Variants in ZNF445 observed in about 807,000 individuals in gnomAD.
ZNF445 encodes zinc finger protein 168.
A neutral mutation model predicts 93.9 loss-of-function variants in ZNF445; 19 were observed. That is an observed-to-expected ratio of 0.20 (90% CI 0.14 to 0.30). The LOEUF (loss-of-function observed/expected upper bound fraction) is 0.30. ZNF445 is among the 10% of genes least tolerant of loss of function. ZNF445 has a pLI of 1.00. For synonymous variants in ZNF445, 449 were observed against 446.3 expected, an observed-to-expected ratio of 1.01 and a Z score of -0.08; for missense variants, 1,058 against 1,259.4, an observed-to-expected ratio of 0.84 and a Z score of 2.42.
rs747802552 is a variant in ZNF445, at chr3:44,448,249, A to C, written c.1422T>G (p.Arg474=). The change falls in exon 8 of 8, where the codon CGT becomes CGG. Residue 474 remains arginine, a synonymous_variant. Transcript: ENST00000396077. ...CTCCCACTGTGTGAAGACTCTGCCC[A>C]CGTTGGTGATGAGAGCTAAGGCTGA... ...KDFSLSSHHQ[R]GQSLHTVGVS... 6.2e-7 allele frequency: 1 copy of C among 1,614,080 alleles called. No individual in the cohort carries two copies. Among genetic ancestry groups the C allele is most frequent in the Non-Finnish European group, 8.5e-7 (1 of 1,180,008 alleles).
At position 44,450,507 on chromosome 3, in the gene ZNF445, C is replaced by A; in HGVS notation, c.760G>T (p.Ala254Ser). The A allele has an allele frequency of 6.2e-7, 1 of 1,614,204 alleles. No homozygotes were observed. The highest frequency in any genetic ancestry group is 8.5e-7 in the Non-Finnish European group (1 of 1,180,030). ...SQDEWGWLDS[A>S]QRNLYRDVML... The stretch of plus-strand genomic sequence containing the variant: ...ACATCCCTGTACAGGTTCCTCTGAG[C>A]AGAGTCCAGCCACCCCCACTCGTCC... Residue 254 changes from alanine to serine, a missense_variant, in exon 6 of 8, where the codon GCT becomes TCT. By Grantham distance (99) the Ala-to-Ser change is moderately conservative. Coordinates refer to ENST00000396077, the MANE Select transcript of ZNF445 (RefSeq NM_181489.6).
In ZNF445 at chr3:44,451,402, A is replaced by T; in HGVS notation, c.510T>A (p.Ala170=). Residue 170 remains alanine, a synonymous_variant, in exon 4 of 8, where the codon GCT becomes GCA. Coordinates refer to ENST00000396077, the MANE Select transcript of ZNF445 (RefSeq NM_181489.6). ...ALRSAQIWSL[A]SPLRSSSALG... is the part of the protein sequence containing the mutation. ...GAGCAGAGCTGCTCCTGAGAGGTGAAGCAAGGGACCATATCTGTGCAGATC... is the reference window on the plus strand; with the variant it reads ...GAGCAGAGCTGCTCCTGAGAGGTGATGCAAGGGACCATATCTGTGCAGATC... 4 of 1,614,186 alleles carry T rather than the reference A, an allele frequency of 2.5e-6. No individual in the cohort carries two copies. The highest frequency in any genetic ancestry group is 3.4e-6 in the Non-Finnish European group (4 of 1,180,028).
At chr3:44,460,160 C>T (rs1698090601) in intron 1 of ZNF445, among the ~76,000 whole-genome samples, 1 of 152,202 alleles carries the variant, frequency 6.6e-6, no homozygotes, top group South Asian at 2.1e-4. Context: ...ACTTGCCCAA[C>T]AATAGGCCTA....
In ZNF445 at chr3:44,437,787, T is replaced by C. The variant is rs1174309526; in HGVS notation, c.*8788A>G. On this transcript the variant is annotated 3_prime_UTR_variant, in exon 8 of 8. Coordinates refer to ENST00000396077, the MANE Select transcript of ZNF445 (RefSeq NM_181489.6). ...TCCTTTCTGTGGTTTGCCAGAAATA[T>C]GTTACAGGACCCCAACACTTACGCA... 3 of 152,198 alleles carry C rather than the reference T, an allele frequency of 2.0e-5. No homozygotes were observed. Among genetic ancestry groups the C allele is most frequent in the Admixed American group, 6.5e-5 (1 of 15,276 alleles). The allele number at this position is 152,198 out of a possible 1,614,324, so 9.4% of individuals were successfully genotyped here.
rs1697882425 is a variant in ZNF445 at position 44,446,714 on chromosome 3, G to C, written c.2957C>G (p.Thr986Ser). Residue 986 changes from threonine to serine, a missense_variant, in exon 8 of 8, where the codon ACT (threonine) becomes AGT (serine). Thr to Ser is a moderately conservative substitution (Grantham distance 58). Transcript: ENST00000396077. The surrounding 1 kb of genome is among the most constrained non-coding windows in gnomAD (Gnocchi z 4.2). The part of the protein sequence containing the change: ...KCHKCSICGK[T>S]FNKSSQLISH... Reference sequence around the variant, plus strand: ...AATGAGTTGTGAACTCTTGTTAAAAGTTTTCCCACATATGCTGCATTTGTG... The same window carrying C: ...AATGAGTTGTGAACTCTTGTTAAAACTTTTCCCACATATGCTGCATTTGTG... The C allele has an allele frequency of 6.2e-7, 1 of 1,614,064 alleles. No individual in the cohort carries two copies. Among genetic ancestry groups the C allele is most frequent in the South Asian group, 1.1e-5 (1 of 91,084 alleles).
rs1469543603 is a variant in ZNF445, at chr3:44,448,436, G to T, written c.1235C>A (p.Ser412Tyr). The T allele has an allele frequency of 6.2e-7, 1 of 1,613,990 alleles. No individual in the cohort carries two copies. The highest frequency in any genetic ancestry group is 2.2e-5 in the East Asian group (1 of 44,894). The change falls in exon 8 of 8, where the codon TCC becomes TAC. Residue 412 changes from serine (S) to tyrosine (Y), a missense_variant. Transcript: ENST00000396077. Reference protein sequence around the residue: ...TYLRVSGRKESLKHGCGKHFR... With the variant: ...TYLRVSGRKEYLKHGCGKHFR... ...GTGTTTGCCACAGCCATGTTTAAGG[G>T]ATTCCTTTCTTCCAGAAACTCTCAA...
At chr3:44,460,301 G>C (rs1004393271) in intron 1 of ZNF445, among the ~76,000 whole-genome samples, 7 of 152,154 alleles carry the variant, frequency 4.6e-5, no homozygotes, top group African/African-American at 1.7e-4. Flanking sequence ...AACTAACTTT[G>C]GGAGAAACTA....
rs1377170171 is a variant in ZNF445 at position 44,440,988 on chromosome 3, A to AC, written c.*5586dup. The AC allele has an allele frequency of 6.8e-6, 1 of 147,000 alleles. No individual in the cohort carries two copies. Among genetic ancestry groups the AC allele is most frequent in the African/African-American group, 2.5e-5 (1 of 39,552 alleles). The allele number at this position is 147,000 out of a possible 1,614,324, so 9.1% of individuals were successfully genotyped here. On this transcript the variant is annotated 3_prime_UTR_variant, in exon 8 of 8. Transcript: ENST00000396077. Reference sequence around the variant, plus strand: ...GAGTGCAGTGGCACCATCTTGGCTCACTGCAACCTCCAACTCCCGGGATCT... The same window carrying AC: ...GAGTGCAGTGGCACCATCTTGGCTCACCTGCAACCTCCAACTCCCGGGATCT...
chr3:44,475,050 G>A (rs1698327530), intron 1 of ZNF445, among the ~76,000 whole-genome samples: 1 of 152,098 alleles, frequency 6.6e-6, no homozygotes, highest in Non-Finnish European at 1.5e-5. Context: ...GTTGCAGTGA[G>A]CTGAGATCAT....
chr3:44,475,700 T>G (rs866003959), intron 1 of ZNF445, among the ~76,000 whole-genome samples: 1 of 152,104 alleles, frequency 6.6e-6, no homozygotes, highest in African/African-American at 2.4e-5. Flanking sequence ...AGCTGCTACA[T>G]AGTAATATAA....
chr3:44,448,349 AT>A lies in ZNF445; in HGVS notation c.1321del (p.Ile441LeufsTer14). 1 of 1,614,126 alleles carries A rather than the reference AT, an allele frequency of 6.2e-7. No homozygotes were observed. The highest frequency in any genetic ancestry group is 8.5e-7 in the Non-Finnish European group (1 of 1,180,010). On this transcript the variant is annotated frameshift_variant, in exon 8 of 8. Coordinates refer to ENST00000396077, the MANE Select transcript of ZNF445 (RefSeq NM_181489.6). LOFTEE classifies it high-confidence loss of function. ...KKYGKGLRHM[I>X]GGFSLHQRIH... ...TCTCTGATGTAGGCTGAAGCCCCCA[AT>A]CATGTGTCTGAGCCCCTTCCCATAT...
At position 44,439,884 on chromosome 3, in the gene ZNF445, T is replaced by C. The variant is rs1242575210; in HGVS notation, c.*6691A>G. ...GACGAACAAGTGGCTCTGGTTTTTG[T>C]TGTGGTTATGAGAGCTCAGTGCATT... On this transcript the variant is annotated 3_prime_UTR_variant, in exon 8 of 8. Transcript: ENST00000396077. 3 of 152,336 alleles carry C rather than the reference T, an allele frequency of 2.0e-5. No homozygotes were observed. The highest frequency in any genetic ancestry group is 7.2e-5 in the African/African-American group (3 of 41,564). 9.4% of individuals were successfully genotyped at this position (152,336 alleles called of 1,614,324 possible).
chr3:44,450,919 C>T lies in ZNF445; in HGVS notation c.642G>A (p.Gly214=), dbSNP rs757347521. ...TTGGTGTTACCTGGTCTCCCGGGCA[C>T]CCCTCTCTCGGGAAAAGGGCAGGCA... ...AQMPALFPRE[G]CPGDQVTPTR... Residue 214 remains glycine, a synonymous_variant, in exon 5 of 8, where the codon GGG becomes GGA. Coordinates refer to ENST00000396077, the MANE Select transcript of ZNF445 (RefSeq NM_181489.6). 32 of 1,599,580 alleles carry T rather than the reference C, an allele frequency of 2.0e-5. No individual in the cohort carries two copies. Among genetic ancestry groups the T allele is most frequent in the Non-Finnish European group, 2.6e-5 (31 of 1,173,636 alleles).
In ZNF445 at chr3:44,440,514, T is replaced by A. The variant is rs559093546; in HGVS notation, c.*6061A>T. On this transcript the variant is annotated 3_prime_UTR_variant, in exon 8 of 8. Transcript: ENST00000396077. ...AGTATATAGAGAACATCCTCATTTT[T>A]AAAAAAACTGTGGCCTGGTATTTCA... 1 of 152,170 alleles carries A rather than the reference T, an allele frequency of 6.6e-6. No individual in the cohort carries two copies. Among genetic ancestry groups the A allele is most frequent in the Non-Finnish European group, 1.5e-5 (1 of 68,024 alleles). The allele number at this position is 152,170 out of a possible 1,614,324, so 9.4% of individuals were successfully genotyped here.
In ZNF445 at chr3:44,434,489, A is replaced by G. The variant is rs998463804; in HGVS notation, c.*12086T>C. 1 of 152,064 alleles carries G rather than the reference A, an allele frequency of 6.6e-6. No homozygotes were observed. The highest frequency in any genetic ancestry group is 1.5e-5 in the Non-Finnish European group (1 of 67,992). 9.4% of individuals were successfully genotyped at this position (152,064 alleles called of 1,614,324 possible). On this transcript the variant is annotated 3_prime_UTR_variant, in exon 8 of 8. Coordinates refer to ENST00000396077, the MANE Select transcript of ZNF445 (RefSeq NM_181489.6). ...TGTTGTGGGTTTATTTCCTACACTG[A>G]GTCATATTATGTGTCTTCCAACATG...
In ZNF445 at chr3:44,436,944, G is replaced by A. The variant is rs1697692990; in HGVS notation, c.*9631C>T. 6.6e-6 allele frequency: 1 copy of A among 152,258 alleles called. No individual in the cohort carries two copies. The highest frequency in any genetic ancestry group is 2.4e-5 in the African/African-American group (1 of 41,464). 9.4% of individuals were successfully genotyped at this position (152,258 alleles called of 1,614,324 possible). A position where few individuals can be genotyped will look rare whatever the true frequency, so the allele number is the denominator to read the frequency against. On this transcript the variant is annotated 3_prime_UTR_variant, in exon 8 of 8. Coordinates refer to ENST00000396077, the MANE Select transcript of ZNF445 (RefSeq NM_181489.6). The stretch of plus-strand genomic sequence containing the variant: ...AAGGTTCCCAATCCAGACCCCAAGA[G>A]AGGGTTCTTGGATCTCGCACAAGAA...
chr3:44,436,241 G>A lies in ZNF445; in HGVS notation c.*10334C>T, dbSNP rs1161016700. The A allele has an allele frequency of 6.6e-6, 1 of 152,172 alleles. No homozygotes were observed. Among genetic ancestry groups the A allele is most frequent in the Non-Finnish European group, 1.5e-5 (1 of 68,046 alleles). 9.4% of individuals were successfully genotyped at this position (152,172 alleles called of 1,614,324 possible). On this transcript the variant is annotated 3_prime_UTR_variant, in exon 8 of 8. Coordinates refer to ENST00000396077, the MANE Select transcript of ZNF445 (RefSeq NM_181489.6). ...GCAGCCCATCCATTTCAGTTCTCAG[G>A]ACACTATGATCAGCAGGCAGACATC... is the stretch of plus-strand genomic sequence containing the variant.
Position 44,463,317 on chromosome 3 carries a change from T to C in ZNF445, c.-268-4953A>G, listed in dbSNP as rs1050438557. 6.6e-5 allele frequency among the ~76,000 whole-genome samples: 10 copies of C among 152,258 alleles called. No homozygotes were observed. The East Asian group carries it at 1.9e-3, about 29-fold the overall frequency. On this transcript the variant is annotated intron_variant, in intron 1 of 7. Transcript: ENST00000396077. ...TCCCAAAGTGCTGGGATTACAGGTG[T>C]GAGCCACTGAGCCCAGCCTGTCTTG...
rs1698013723 is a variant in ZNF445 at position 44,455,360 on chromosome 3, G to A, written c.190C>T (p.His64Tyr). Residue 64 changes from histidine (H) to tyrosine (Y), a missense_variant, in exon 3 of 8, where the codon CAT (histidine) becomes TAT (tyrosine). His to Tyr is a moderately conservative substitution (Grantham distance 83). Transcript: ENST00000396077. ...FRQLFRQLRY[H>Y]ESSGPLETLS... ...GTTTCTAGGGGCCCTGAAGACTCAT[G>A]GTAGCGAAGCTGTCTGAAGAGCTGG... The A allele has an allele frequency of 6.2e-7, 1 of 1,613,980 alleles. No individual in the cohort carries two copies. Among genetic ancestry groups the A allele is most frequent in the Non-Finnish European group, 8.5e-7 (1 of 1,179,990 alleles).
Sources: gnomAD v4.1 joint callset for allele counts (sites outside exome capture counted in the v4.1 genomes callset) on GRCh38, gnomAD v4.1.1 for gene constraint, Gnocchi (gnomAD v3.1) non-coding constraint, MANE v1.5 for transcripts, NCBI Gene and HGNC (gene_info 2026-07-23, HGNC 2026-07-21) for gene names.